The following MGA variants were observed in gnomAD, a reference collection of about 807,000 sequenced individuals.
MGA encodes MAX dimerization protein MGA.
Under a neutral mutation model 261.1 loss-of-function variants are expected in MGA, and 40 were observed. The observed-to-expected ratio is 0.15, with a 90% CI of 0.12 to 0.20. The LOEUF is 0.20. MGA is among the 10% of genes least tolerant of loss of function. The pLI is 1.00. For synonymous variants in MGA, 1,302 were observed against 1,290.6 expected, an observed-to-expected ratio of 1.01 and a Z score of -0.19; for missense variants, 3,397 against 3,630.5, an observed-to-expected ratio of 0.94 and a Z score of 1.65.
chr15:41,707,295 T>C (rs998897342), intron 5 of MGA, among the ~76,000 whole-genome samples: 3 of 152,228 alleles, frequency 2.0e-5, no homozygotes, highest in Non-Finnish European at 2.9e-5. Flanking sequence ...AGTCAAAATA[T>C]TGGCCAGGCC....
intron 2 of MGA, among the ~76,000 whole-genome samples, chr15:41,674,335 A>G (rs565999260): frequency 1.4e-4 from 21 of 151,460 alleles, no homozygotes; most frequent in African/African-American, 4.4e-4. Flanking sequence ...AGCTGGGATT[A>G]CAGGTGCCTA....
chr15:41,699,092 A>G lies in MGA; in HGVS notation c.2121A>G (p.Glu707=), dbSNP rs1294431572. The change falls in exon 5 of 24, where the codon GAA becomes GAG. Residue 707 remains glutamate (E), a synonymous_variant. Transcript: ENST00000219905. The stretch of plus-strand genomic sequence containing the variant: ...ACAGAGCAAGAATTTCCCAGTTGGA[A>G]AAGGAATTGATAGAAGATTTGAAGA... The G allele has an allele frequency of 1.2e-6, 2 of 1,612,306 alleles. No homozygotes were observed. Among genetic ancestry groups the G allele is most frequent in the Non-Finnish European group, 1.7e-6 (2 of 1,179,166 alleles).
chr15:41,742,125 A>G (rs1595934247), intron 14 of MGA, among the ~76,000 whole-genome samples: 1 of 151,166 alleles, frequency 6.6e-6, no homozygotes, highest in South Asian at 2.1e-4. Context: ...GGTGGCTCAC[A>G]CCTGTAATCC....
chr15:41,715,050 A>G (rs891056055), intron 9 of MGA, among the ~76,000 whole-genome samples: 1 of 150,998 alleles, frequency 6.6e-6, no homozygotes, highest in Non-Finnish European at 1.5e-5. Context: ...CGTTTTGTTC[A>G]AGGTTCCCTC....
intron 5 of MGA, among the ~76,000 whole-genome samples, chr15:41,700,380 G>A (rs1395404641): frequency 6.6e-6 from 1 of 152,034 alleles, no homozygotes; most frequent in Non-Finnish European, 1.5e-5. Flanking sequence ...CATGCATTAG[G>A]TGTTTGTCCT....
intron 1 of MGA, among the ~76,000 whole-genome samples, chr15:41,634,056 AT>A (rs1344822932): frequency 8.5e-5 from 13 of 152,052 alleles, no homozygotes; most frequent in East Asian, 1.9e-4. Flanking sequence ...CTCAATTCAG[AT>A]TTTGATTTGA....
At chr15:41,683,469 T>C (rs10152364) in intron 2 of MGA, among the ~76,000 whole-genome samples, 114,806 of 151,946 alleles carry the variant, frequency 0.76, 44,601 homozygotes, top group East Asian at 0.89. Context: ...TGGGCTCAAG[T>C]AGTCCTCGTG....
intron 1 of MGA, among the ~76,000 whole-genome samples, chr15:41,662,103 G>A (rs1245065546): frequency 6.6e-6 from 1 of 152,166 alleles, no homozygotes; most frequent in African/African-American, 2.4e-5. Flanking sequence ...TATCGGAACA[G>A]CGCTAGTGTT....
At chr15:41,636,276 C>G (rs1280156243) in intron 1 of MGA, among the ~76,000 whole-genome samples, 1 of 151,132 alleles carries the variant, frequency 6.6e-6, no homozygotes, top group Non-Finnish European at 1.5e-5. Context: ...CCATGCCAGA[C>G]TAAATTTTTT....
intron 2 of MGA, among the ~76,000 whole-genome samples, chr15:41,682,554 C>T (rs1344856286): frequency 6.6e-6 from 1 of 152,084 alleles, no homozygotes; most frequent in African/African-American, 2.4e-5. Context: ...GATCTTGGCT[C>T]ACTGCAACCT....
chr15:41,677,577 G>A (rs919274820), intron 2 of MGA, among the ~76,000 whole-genome samples: 1 of 152,178 alleles, frequency 6.6e-6, no homozygotes, highest in Admixed American at 6.5e-5. Flanking sequence ...CAGTGCACAA[G>A]TGTTCTAATT....
chr15:41,737,561 G>T (rs1298586829), intron 13 of MGA, among the ~76,000 whole-genome samples: 1 of 152,134 alleles, frequency 6.6e-6, no homozygotes, highest in African/African-American at 2.4e-5. Context: ...TTTTGTTAGT[G>T]TAACTGTTGT....
At chr15:41,709,811 T>C (rs909330040) in intron 7 of MGA, among the ~76,000 whole-genome samples, 15 of 150,270 alleles carry the variant, frequency 1.0e-4, no homozygotes, top group Non-Finnish European at 1.9e-4. Context: ...TCCCCTGTTA[T>C]GTGTTTTTCT....
intron 9 of MGA, among the ~76,000 whole-genome samples, chr15:41,719,666 T>C (rs1230315900): frequency 6.6e-6 from 1 of 151,984 alleles, no homozygotes; most frequent in Non-Finnish European, 1.5e-5. Context: ...CACTTGAGCC[T>C]GGGAGGCAGA....
chr15:41,744,181 T>C (rs1018055847), intron 15 of MGA, among the ~76,000 whole-genome samples: 1 of 152,100 alleles, frequency 6.6e-6, no homozygotes, highest in Non-Finnish European at 1.5e-5. Flanking sequence ...TGAATCTATA[T>C]ATATATATGT....
intron 3 of MGA, among the ~76,000 whole-genome samples, chr15:41,698,052 A>G (rs763733978): frequency 6.9e-6 from 1 of 144,850 alleles, no homozygotes; most frequent in African/African-American, 2.6e-5. Context: ...TTGTATTTTT[A>G]GTAGAGACGG....
At position 41,750,338 on chromosome 15, in the gene MGA, G is replaced by T; in HGVS notation, c.6731G>T (p.Trp2244Leu). 6.2e-7 allele frequency: 1 copy of T among 1,614,008 alleles called. No individual in the cohort carries two copies. The highest frequency in any genetic ancestry group is 8.5e-7 in the Non-Finnish European group (1 of 1,179,900). ...GTTTTGAAAACTGAATGTGATTCTT[G>T]GAGTAGGATTTCTAATCCTTCAGCC... is the stretch of plus-strand genomic sequence containing the variant. The change falls in exon 17 of 24, where the codon TGG (tryptophan) becomes TTG (leucine). Residue 2244 changes from tryptophan (W) to leucine (L), a missense_variant. Transcript: ENST00000219905.
chr15:41,640,809 G>A (rs1021828111), intron 1 of MGA, among the ~76,000 whole-genome samples: 2 of 152,122 alleles, frequency 1.3e-5, no homozygotes, highest in African/African-American at 4.8e-5. Context: ...GAGCCACTGC[G>A]CCTGCCCTCC....
chr15:41,728,481 T>C (rs533473951), intron 10 of MGA, among the ~76,000 whole-genome samples: 113 of 152,300 alleles, frequency 7.4e-4, no homozygotes, highest in African/African-American at 2.6e-3. Context: ...ACATAAACAG[T>C]CAACACATTT....
Sources: gnomAD v4.1 joint callset for allele counts (sites outside exome capture counted in the v4.1 genomes callset) on GRCh38, gnomAD v4.1.1 for gene constraint, MANE v1.5 for transcripts, NCBI Gene and HGNC (gene_info 2026-07-23, HGNC 2026-07-21) for gene names.